CCND2: variants seen among roughly 807,000 people sequenced by gnomAD.
The protein encoded by CCND2 is cyclin D2.
CCND2 carries 6 observed loss-of-function variants against 30.2 expected under a neutral mutation model. That is an observed-to-expected ratio of 0.20 (90% CI 0.11 to 0.39). The LOEUF (loss-of-function observed/expected upper bound fraction) is 0.39, where lower values mean the gene tolerates loss of function less well. Ranked by LOEUF, CCND2 falls within the 10% of genes least tolerant of loss-of-function variation. The probability of loss-of-function intolerance (pLI) is 1.00; values close to 1 mark genes in which losing one functional copy is unlikely to be tolerated. For missense variants in CCND2, 235 were observed against 373.4 expected (o/e 0.63, Z 3.06); for synonymous variants, 150 against 153.1 (o/e 0.98, Z 0.15).
Position 4,276,331 on chromosome 12 carries a change from C to T in CCND2, c.411+111C>T, listed in dbSNP as rs955247725. The T allele has an allele frequency of 9.5e-6, 8 of 845,398 alleles. No homozygotes were observed. The Admixed American group carries it at 1.7e-4, about 18-fold the overall frequency. The allele number at this position is 845,398 out of a possible 1,614,324, so 52.4% of individuals were successfully genotyped here. On this transcript the variant is annotated intron_variant, in intron 2 of 4. Transcript: ENST00000261254. This position sits in a 1 kb window ranked among gnomAD's most constrained non-coding sequence, Gnocchi z 4.8. ...GCAAATTCTTGGGATCCAGAATGAC[C>T]CCACCAATAGAATTTACCCACTTAT...
chr12:4,297,921 C>T, intron 4 of CCND2: 1 of 386,064 alleles, frequency 2.6e-6, no homozygotes, highest in Non-Finnish European at 5.3e-6. Flanking sequence ...TCATGTTCAG[C>T]ACTCTTCCCA....
chr12:4,275,315 T>G (rs959130559), intron 1 of CCND2: 2 of 152,126 alleles, frequency 1.3e-5, no homozygotes, highest in African/African-American at 4.8e-5. Flanking sequence ...ACCCGAAACC[T>G]CTGTTTCGGG....
chr12:4,295,395 G>A (rs1236564382), intron 4 of CCND2, among the ~76,000 whole-genome samples: 1 of 152,196 alleles, frequency 6.6e-6, no homozygotes, highest in East Asian at 1.9e-4. Flanking sequence ...TCTAGAAGAG[G>A]GTGGGGAAGG....
In CCND2 at chr12:4,304,420, T is replaced by C. The variant is rs576388635; in HGVS notation, c.*4411T>C. The C allele has an allele frequency of 4.3e-6, 1 of 233,710 alleles. No individual in the cohort carries two copies. Among genetic ancestry groups the C allele is most frequent in the South Asian group, 1.8e-4 (1 of 5,532 alleles). 14.5% of individuals were successfully genotyped at this position (233,710 alleles called of 1,614,324 possible). A position where few individuals can be genotyped will look rare whatever the true frequency, so the allele number is the denominator to read the frequency against. On this transcript the variant is annotated 3_prime_UTR_variant, in exon 5 of 5. Transcript: ENST00000261254. This position sits in a 1 kb window ranked among gnomAD's most constrained non-coding sequence, Gnocchi z 6.2. ...GCTATAGAATGAGTGCAGGTTTCTA[T>C]TGGTGTGGACTCAGAGCAATTTACA...
chr12:4,278,493 A>C (rs960676589), intron 2 of CCND2, among the ~76,000 whole-genome samples: 4 of 152,216 alleles, frequency 2.6e-5, no homozygotes, highest in African/African-American at 9.7e-5. Context: ...GCTGGAGTGG[A>C]AACGAAGTAG....
rs145050894 is a variant in CCND2, at chr12:4,299,895, G to A, written c.756G>A (p.Ala252=). 1,969 of 1,614,070 alleles carry A rather than the reference G, an allele frequency of 1.2e-3. 4 individuals carry two copies. Among genetic ancestry groups the A allele is most frequent in the Non-Finnish European group, 1.5e-3 (1,783 of 1,179,992 alleles). Residue 252 remains alanine (A), a synonymous_variant, in exon 5 of 5, where the codon GCG becomes GCA. Transcript: ENST00000261254. This position sits in a 1 kb window ranked among gnomAD's most constrained non-coding sequence, Gnocchi z 5.2. ...AAGCTTGCCAGGAGCAGATTGAGGCGGTGCTCCTCAATAGCCTGCAGCAGT... is the reference window on the plus strand; with the variant it reads ...AAGCTTGCCAGGAGCAGATTGAGGCAGTGCTCCTCAATAGCCTGCAGCAGT... ...CLKACQEQIE[A]VLLNSLQQYR... is the part of the protein sequence containing the mutation.
intron 3 of CCND2, among the ~76,000 whole-genome samples, chr12:4,279,235 G>A (rs949509305): frequency 6.6e-6 from 1 of 152,144 alleles, no homozygotes; most frequent in Non-Finnish European, 1.5e-5. Context: ...CTGCTCACTG[G>A]TTGTGTTCAA....
intron 3 of CCND2, among the ~76,000 whole-genome samples, chr12:4,279,949 G>C (rs961415593): frequency 2.0e-5 from 3 of 151,450 alleles, no homozygotes; most frequent in Non-Finnish European, 4.4e-5. Context: ...TGTTACTGGT[G>C]AGTTCTACGG....
rs1344946197 is a variant in CCND2 at position 4,285,208 on chromosome 12, G to T, written c.572-3634G>T. On this transcript the variant is annotated intron_variant, in intron 3 of 4. Coordinates refer to ENST00000261254, the MANE Select transcript of CCND2 (RefSeq NM_001759.4). This position sits in a 1 kb window ranked among gnomAD's most constrained non-coding sequence, Gnocchi z 4.1. ...CCTCCATGCTGCCTGGAACAGGGAG[G>T]AGCACATTGTCATGAGTCGATCAGA... is the stretch of plus-strand genomic sequence containing the variant. 1.2e-6 allele frequency: 1 copy of T among 804,390 alleles called. No homozygotes were observed. The highest frequency in any genetic ancestry group is 1.5e-6 in the Non-Finnish European group (1 of 665,032). 49.8% of individuals were successfully genotyped at this position (804,390 alleles called of 1,614,324 possible).
chr12:4,278,740 C>T lies in CCND2; in HGVS notation c.412-20C>T. The T allele has an allele frequency of 6.2e-7, 1 of 1,613,110 alleles. No homozygotes were observed. The highest frequency in any genetic ancestry group is 8.5e-7 in the Non-Finnish European group (1 of 1,179,242). On this transcript the variant is annotated intron_variant, in intron 2 of 4. Transcript: ENST00000261254. The stretch of plus-strand genomic sequence containing the variant: ...TGTGGAATTTAGATTCTCCTCTTCT[C>T]TTCCTGCCTTCCCCTCCAGGAGTGG...
intron 4 of CCND2, among the ~76,000 whole-genome samples, chr12:4,297,404 C>G (rs1864185464): frequency 6.6e-6 from 1 of 151,786 alleles, no homozygotes; most frequent in Non-Finnish European, 1.5e-5. Flanking sequence ...AATCCCATCT[C>G]AACTATAAAT....
rs767208177 is a variant in CCND2 at position 4,274,634 on chromosome 12, CA to C, written c.195+403del. Among the ~76,000 whole-genome samples the C allele has an allele frequency of 1.3e-5, 2 of 152,188 alleles. No individual in the cohort carries two copies. Among genetic ancestry groups the C allele is most frequent in the African/African-American group, 2.4e-5 (1 of 41,436 alleles). ...CCCCGAGTAGAAAGGCAACCCCCCC[CA>C]AAAGGCCAGAGCAAATTCGTCTTGG... On this transcript the variant is annotated intron_variant, in intron 1 of 4. Coordinates refer to ENST00000261254, the MANE Select transcript of CCND2 (RefSeq NM_001759.4). This position sits in a 1 kb window ranked among gnomAD's most constrained non-coding sequence, Gnocchi z 7.7.
Position 4,276,074 on chromosome 12 carries a change from G to A in CCND2, c.265G>A (p.Ala89Thr), listed in dbSNP as rs1441700094. The A allele has an allele frequency of 6.2e-7, 1 of 1,613,508 alleles. No individual in the cohort carries two copies. The highest frequency in any genetic ancestry group is 2.2e-5 in the East Asian group (1 of 44,852). ...LAMNYLDRFL[A>T]GVPTPKSHLQ... ...CATGAATTACCTGGACCGTTTCTTG[G>A]CTGGGGTCCCGACTCCGAAGTCCCA... Residue 89 changes from alanine to threonine, a missense_variant, in exon 2 of 5, where the codon GCT (alanine) becomes ACT (threonine). This residue lies in a region of CCND2 where 178 missense variants were observed against 322.8 expected (regional missense o/e 0.55). Coordinates refer to ENST00000261254, the MANE Select transcript of CCND2 (RefSeq NM_001759.4). The surrounding 1 kb of genome is among the most constrained non-coding windows in gnomAD (Gnocchi z 4.8).
At position 4,303,131 on chromosome 12, in the gene CCND2, A is replaced by G. The variant is rs1220878442; in HGVS notation, c.*3122A>G. On this transcript the variant is annotated 3_prime_UTR_variant, in exon 5 of 5. Coordinates refer to ENST00000261254, the MANE Select transcript of CCND2 (RefSeq NM_001759.4). This position sits in a 1 kb window ranked among gnomAD's most constrained non-coding sequence, Gnocchi z 4.6. ...GACAAATAAGGAAGGGCACAAGCCT[A>G]CCCGACTCTATTTACAGTCTGTAAC... 1 of 233,192 alleles carries G rather than the reference A, an allele frequency of 4.3e-6. No homozygotes were observed. The highest frequency in any genetic ancestry group is 5.6e-5 in the Admixed American group (1 of 17,782). The allele number at this position is 233,192 out of a possible 1,614,324, so 14.4% of individuals were successfully genotyped here.
At chr12:4,289,727 G>A (rs1452620467) in intron 4 of CCND2, among the ~76,000 whole-genome samples, 1 of 152,200 alleles carries the variant, frequency 6.6e-6, no homozygotes, top group Non-Finnish European at 1.5e-5. Context: ...GGAAGCTGCA[G>A]TCCTAGCCCG....
chr12:4,291,281 T>C (rs1864098290), intron 4 of CCND2, among the ~76,000 whole-genome samples: 1 of 150,434 alleles, frequency 6.6e-6, no homozygotes, highest in Non-Finnish European at 1.5e-5. Flanking sequence ...CATCAGCCTG[T>C]GTTCTCTGAA....
At chr12:4,286,766 G>A (rs1037167141) in intron 3 of CCND2, among the ~76,000 whole-genome samples, 9 of 152,216 alleles carry the variant, frequency 5.9e-5, no homozygotes, top group Non-Finnish European at 1.0e-4. Context: ...AAGTTCATTC[G>A]TATGCCAATA....
rs1212936766 is a variant in CCND2 at position 4,282,812 on chromosome 12, C to G, written c.571+3893C>G. ...CCATGGCAGCCCTGCCCCACAAGGA[C>G]AGGGTATGCTGGTCCTCTTATGGGG... On this transcript the variant is annotated intron_variant, in intron 3 of 4. Transcript: ENST00000261254. This position sits in a 1 kb window ranked among gnomAD's most constrained non-coding sequence, Gnocchi z 4.3. Among the ~76,000 whole-genome samples, 1 of 152,226 alleles carries G rather than the reference C, an allele frequency of 6.6e-6. No homozygotes were observed. The highest frequency in any genetic ancestry group is 2.4e-5 in the African/African-American group (1 of 41,462).
chr12:4,283,564 T>G (rs1287787953), intron 3 of CCND2, among the ~76,000 whole-genome samples: 1 of 152,270 alleles, frequency 6.6e-6, no homozygotes, highest in African/African-American at 2.4e-5. Context: ...TAAAAGGAGA[T>G]GTTTGAAACA....
Sources: allele counts gnomAD v4.1 joint callset (sites outside exome capture counted in the v4.1 genomes callset), GRCh38; gene constraint gnomAD v4.1.1; regional missense constraint gnomAD v4.1.1; non-coding constraint Gnocchi (gnomAD v3.1); transcripts MANE v1.5; gene names NCBI Gene and HGNC (gene_info 2026-07-23, HGNC 2026-07-21).